The following TENM2 variants were observed in gnomAD, a reference collection of about 807,000 sequenced individuals.
The protein encoded by TENM2 is teneurin transmembrane protein 2, also known as teneurin-2.
A neutral mutation model predicts 245.2 loss-of-function variants in TENM2; 52 were observed. That is an observed-to-expected ratio of 0.21 (90% CI 0.17 to 0.27). TENM2 has a LOEUF of 0.27. TENM2 is among the 10% of genes least tolerant of loss of function. TENM2 has a pLI of 1.00. For missense variants in TENM2, 3,046 were observed against 3,666.8 expected, an observed-to-expected ratio of 0.83 and a Z score of 4.37; for synonymous variants, 1,363 against 1,438.9, an observed-to-expected ratio of 0.95 and a Z score of 1.19.
At chr5:167,024,134 G>A in the TENM2 span, among the ~76,000 whole-genome samples, 1 of 152,134 alleles carries the variant, frequency 6.6e-6, no homozygotes, top group Non-Finnish European at 1.5e-5. Flanking sequence ...CAAGCAATCA[G>A]GTTAGCTTTA....
intron 1 of TENM2, chr5:167,296,687 C>T (rs1339657033): frequency 1.3e-5 from 2 of 152,240 alleles, no homozygotes; most frequent in Non-Finnish European, 2.9e-5. Flanking sequence ...CCCCTGTTTG[C>T]CTGGCGGCAG....
intron 2 of TENM2, among the ~76,000 whole-genome samples, chr5:167,710,337 A>G (rs983544463): frequency 7.3e-6 from 1 of 137,370 alleles, no homozygotes; most frequent in Non-Finnish European, 1.5e-5. Context: ...GTGACTTTCG[A>G]TTTCATGGGG....
chr5:167,754,911 A>C (rs1762198503), intron 2 of TENM2: 1 of 1,084,116 alleles, frequency 9.2e-7, no homozygotes, highest in East Asian at 2.6e-5. Context: ...GAAAGGGAGG[A>C]GGGAGAGAGC....
chr5:167,079,272 C>T, the TENM2 span, among the ~76,000 whole-genome samples: 57,027 of 120,474 alleles, frequency 0.47, 11,504 homozygotes, highest in African/African-American at 0.57. Context: ...TATATATATA[C>T]ACACACACAC....
intron 6 of TENM2, among the ~76,000 whole-genome samples, chr5:168,047,782 A>G (rs1203385964): frequency 6.6e-6 from 1 of 152,206 alleles, no homozygotes; most frequent in Non-Finnish European, 1.5e-5. Flanking sequence ...GCTCAGAGCA[A>G]TGTGCATACC....
At chr5:167,440,565 A>G (rs996104139) in intron 2 of TENM2, among the ~76,000 whole-genome samples, 3 of 152,224 alleles carry the variant, frequency 2.0e-5, no homozygotes, top group Non-Finnish European at 4.4e-5. Context: ...CATGAAAACA[A>G]AGAAGAAACT....
intron 3 of TENM2, among the ~76,000 whole-genome samples, chr5:167,904,046 C>T (rs1211482029): frequency 6.6e-6 from 1 of 152,292 alleles, no homozygotes; most frequent in Non-Finnish European, 1.5e-5. Flanking sequence ...GACCAGATGA[C>T]AGAGAATTTC....
intron 2 of TENM2, among the ~76,000 whole-genome samples, chr5:167,468,125 C>T (rs1312444408): frequency 6.6e-6 from 1 of 152,028 alleles, no homozygotes; most frequent in Non-Finnish European, 1.5e-5. Context: ...TTAGTAGAGA[C>T]GGGGTTTCAC....
chr5:168,191,357 A>G (rs1180956499), intron 14 of TENM2, among the ~76,000 whole-genome samples: 1 of 152,156 alleles, frequency 6.6e-6, no homozygotes, highest in Non-Finnish European at 1.5e-5. Context: ...CTGAGGGTAG[A>G]GAGGAGGGGT....
At chr5:167,331,518 A>G (rs1757461112) in intron 1 of TENM2, among the ~76,000 whole-genome samples, 1 of 152,204 alleles carries the variant, frequency 6.6e-6, no homozygotes, top group African/African-American at 2.4e-5. Context: ...TCTTCATCCC[A>G]CTTGAGAAAG....
chr5:167,862,393 A>G (rs891462883), intron 2 of TENM2, among the ~76,000 whole-genome samples: 1 of 152,146 alleles, frequency 6.6e-6, no homozygotes, highest in African/African-American at 2.4e-5. Context: ...CTCCCAAAAC[A>G]TCTCTCCATC....
intron 2 of TENM2, among the ~76,000 whole-genome samples, chr5:167,599,825 A>G (rs1453148036): frequency 6.6e-6 from 1 of 152,096 alleles, no homozygotes; most frequent in African/African-American, 2.4e-5. Context: ...GGAGTATAAA[A>G]GCACAGTGAA....
At chr5:166,986,194 C>T in the TENM2 span, among the ~76,000 whole-genome samples, 1 of 152,096 alleles carries the variant, frequency 6.6e-6, no homozygotes, top group Non-Finnish European at 1.5e-5. Context: ...ATGCAAAGTC[C>T]AAGATAGCAC....
At chr5:167,890,698 T>A (rs1469772301) in intron 3 of TENM2, among the ~76,000 whole-genome samples, 2 of 152,176 alleles carry the variant, frequency 1.3e-5, no homozygotes, top group Non-Finnish European at 2.9e-5. Flanking sequence ...GCATGATCTT[T>A]TAATTTATTC....
At chr5:167,244,629 C>T in the TENM2 span, among the ~76,000 whole-genome samples, 1 of 152,224 alleles carries the variant, frequency 6.6e-6, no homozygotes, top group African/African-American at 2.4e-5. Flanking sequence ...CAGTGTTTGA[C>T]ATGTGGAGAG....
intron 2 of TENM2, among the ~76,000 whole-genome samples, chr5:167,398,659 C>G (rs184538495): frequency 3.3e-5 from 5 of 152,120 alleles, no homozygotes; most frequent in East Asian, 2.0e-4. Flanking sequence ...AGGCTGGTCT[C>G]GAACTCCTGA....
At position 167,620,549 on chromosome 5, in the gene TENM2, C is replaced by CTTTT. The variant is rs11455974; in HGVS notation, c.502+245095_502+245098dup. Among the ~76,000 whole-genome samples, 24 of 73,330 alleles carry CTTTT rather than the reference C, an allele frequency of 3.3e-4. 1 individual carries two copies. Among genetic ancestry groups the CTTTT allele is most frequent in the South Asian group, 6.6e-4 (1 of 1,522 alleles). The allele number at this position is 73,330 out of a possible 152,430, so 48.1% of individuals were successfully genotyped here. ...TGTTGGCTAAAACTTTGCTTTTTGGCTTTTTTTTTTTTTTTTTTTTTTCAA... is the reference window on the plus strand; with the variant it reads ...TGTTGGCTAAAACTTTGCTTTTTGGCTTTTTTTTTTTTTTTTTTTTTTTTTTCAA... On this transcript the variant is annotated intron_variant, in intron 2 of 28. Coordinates refer to ENST00000518659, the Ensembl canonical transcript of TENM2.
chr5:167,943,565 T>C (rs189576483), intron 3 of TENM2, among the ~76,000 whole-genome samples: 248 of 152,248 alleles, frequency 1.6e-3, no homozygotes, highest in Admixed American at 2.5e-3. Context: ...AATATCCAAA[T>C]TTTGCCCAGC....
chr5:168,185,988 A>G (rs1345387316), intron 13 of TENM2: 1 of 88,828 alleles, frequency 1.1e-5, no homozygotes, highest in Non-Finnish European at 2.2e-5. Context: ...ATATATATAT[A>G]TATTTGAATT....
Sources: gnomAD v4.1 joint callset for allele counts (sites outside exome capture counted in the v4.1 genomes callset) on GRCh38, gnomAD v4.1.1 for gene constraint, MANE v1.5 for transcripts, NCBI Gene and HGNC (gene_info 2026-07-23, HGNC 2026-07-21) for gene names.